FANCA: variants seen among roughly 807,000 people sequenced by gnomAD.
FANCA encodes Fanconi anemia group A protein.
Under a neutral mutation model 194.3 loss-of-function variants are expected in FANCA, and 236 were observed. The ratio of observed to expected loss-of-function variants is 1.21; its 90% CI spans 1.09 to 1.35. The LOEUF (loss-of-function observed/expected upper bound fraction) is 1.35. Among genes scored for constraint, FANCA ranks in the 40% most tolerant of loss-of-function variants. The pLI is 0.00. For synonymous variants in FANCA, 1,014 were observed against 715.8 expected (o/e 1.42, Z -6.65); for missense variants, 2,628 against 1,813.9 (o/e 1.45, Z -8.15).
rs1476352640 is a variant in FANCA, at chr16:89,771,745, C to T, written c.2084G>A (p.Ser695Asn). 2 of 1,614,136 alleles carry T rather than the reference C, an allele frequency of 1.2e-6. No individual in the cohort carries two copies. The highest frequency in any genetic ancestry group is 1.7e-5 in the Admixed American group (1 of 60,018). Residue 695 changes from serine (S) to asparagine (N), a missense_variant, in exon 23 of 43, where the codon AGC (serine) becomes AAC (asparagine). Ser to Asn is a conservative substitution (Grantham distance 46). Transcript: ENST00000389301. ...RAVLGHNEDD[S>N]SVEISKIQLS... ...CTGAATCTTTGATATCTCAACGCTGCTGTCATCCTCATTGTGGCCCAGGAC... is the reference window on the plus strand; with the variant it reads ...CTGAATCTTTGATATCTCAACGCTGTTGTCATCCTCATTGTGGCCCAGGAC...
chr16:89,755,832 C>G (rs1217758803), intron 30 of FANCA, among the ~76,000 whole-genome samples: 1 of 152,118 alleles, frequency 6.6e-6, no homozygotes, highest in Admixed American at 6.6e-5. Context: ...ACCAGAGCCC[C>G]CCGCACACCT....
intron 14 of FANCA, among the ~76,000 whole-genome samples, chr16:89,787,124 T>C (rs1003026412): frequency 2.0e-5 from 3 of 152,242 alleles, no homozygotes; most frequent in African/African-American, 7.2e-5. Flanking sequence ...CTGTTTGCTA[T>C]TTTTGAAAAA....
At chr16:89,746,990 C>T (rs1300345990) in intron 33 of FANCA, 100 bp from the exon 34 acceptor site, 14 of 1,170,404 alleles carry the variant, frequency 1.2e-5, no homozygotes, top group East Asian at 2.6e-5. Flanking sequence ...GAAAAACACT[C>T]GCTAAGGCTT....
chr16:89,767,080 G>A lies in FANCA; in HGVS notation c.2601+61C>T, dbSNP rs540067444. The A allele has an allele frequency of 6.9e-4, 949 of 1,377,490 alleles. 9 individuals carry two copies. The South Asian group carries it at 9.1e-3, about 13-fold the overall frequency. 85.3% of individuals were successfully genotyped at this position (1,377,490 alleles called of 1,614,324 possible). On this transcript the variant is annotated intron_variant, in intron 27 of 42. Coordinates refer to ENST00000389301, the MANE Select transcript of FANCA (RefSeq NM_000135.4). ...GCAGCAGACCTCGGCCTTCCGGTCCGAAAGCTGCGTAAACCTGAAACGTAT... is the reference window on the plus strand; with the variant it reads ...GCAGCAGACCTCGGCCTTCCGGTCCAAAAGCTGCGTAAACCTGAAACGTAT...
chr16:89,799,025 C>T (rs767807355), intron 10 of FANCA, 141 bp downstream of exon 10: 22 of 1,614,138 alleles, frequency 1.4e-5, no homozygotes, highest in East Asian at 2.2e-5. Flanking sequence ...CTCCTCCTCA[C>T]GCACGTTATC....
At chr16:89,750,761 AAAAACAAACAGACAAAAC>A (rs1179834583) in intron 31 of FANCA, among the ~76,000 whole-genome samples, 2 of 152,122 alleles carry the variant, frequency 1.3e-5, no homozygotes, top group African/African-American at 4.8e-5. Flanking sequence ...ACTCTGTCTC[AAAAACAAACAGACAAAAC>A]AAAACAAAAC....
intron 28 of FANCA, among the ~76,000 whole-genome samples, chr16:89,764,371 C>A (rs372809925): frequency 6.6e-6 from 1 of 152,220 alleles, no homozygotes; most frequent in East Asian, 1.9e-4. Flanking sequence ...GTGGCGTGAT[C>A]TTGGCTCACT....
rs377702890 is a variant in FANCA at position 89,746,822 on chromosome 16, G to C, written c.3408+9C>G. 111 of 1,567,856 alleles carry C rather than the reference G, an allele frequency of 7.1e-5. No homozygotes were observed. The African/African-American group carries it at 1.4e-3, about 20-fold the overall frequency. On this transcript the variant is annotated intron_variant, in intron 34 of 42. Coordinates refer to ENST00000389301, the MANE Select transcript of FANCA (RefSeq NM_000135.4). ...GAAGGCCACGAGAGGGGCTGAGGGA[G>C]CATCTCACCCTGAAGAAGTGGGCAG...
At chr16:89,800,676 G>A (rs1396969700) in intron 8 of FANCA, among the ~76,000 whole-genome samples, 3 of 152,180 alleles carry the variant, frequency 2.0e-5, no homozygotes, top group South Asian at 4.1e-4. Flanking sequence ...CGAGGCTACA[G>A]AAATGAAAAC....
At position 89,765,085 on chromosome 16, in the gene FANCA, C is replaced by G. The variant is rs17233225; in HGVS notation, c.2602-19G>C. On this transcript the variant is annotated intron_variant, in intron 27 of 42. Transcript: ENST00000389301. ...ACTGAAACTGAAACAGAGAGTGACC[C>G]GGCCGTTTCTTCATTGCGCAAGTTT... is the stretch of plus-strand genomic sequence containing the variant. 2,573 of 1,613,572 alleles carry G rather than the reference C, an allele frequency of 1.6e-3. 74 individuals are homozygous for G. In the South Asian group the frequency reaches 0.026, roughly 16 times the overall value.
intron 20 of FANCA, chr16:89,778,405 G>A (rs552969049): frequency 6.4e-5 from 23 of 356,712 alleles, no homozygotes; most frequent in Non-Finnish European, 1.1e-4. Context: ...GGCAGAGCTT[G>A]CAGTGAGCCA....
chr16:89,785,060 A>C (rs914569428), intron 14 of FANCA, 96 bp from the exon 15 acceptor site: 5 of 863,998 alleles, frequency 5.8e-6, no homozygotes, highest in Admixed American at 1.9e-5. Context: ...GAAGCCCAGG[A>C]CAGCCAGGCG....
intron 30 of FANCA, among the ~76,000 whole-genome samples, chr16:89,752,720 A>G (rs2143169175): frequency 6.6e-6 from 1 of 152,356 alleles, no homozygotes; most frequent in African/African-American, 2.4e-5. Context: ...AGAAGACAAG[A>G]GTGCGAGCCT....
intron 14 of FANCA, among the ~76,000 whole-genome samples, chr16:89,786,574 T>A (rs958708508): frequency 6.6e-6 from 1 of 152,068 alleles, no homozygotes; most frequent in Non-Finnish European, 1.5e-5. Context: ...GCCTCGGCCT[T>A]CCAAAGTGCT....
intron 38 of FANCA, chr16:89,740,440 A>G (rs554353711): frequency 4.8e-5 from 22 of 458,910 alleles, no homozygotes; most frequent in Admixed American, 3.2e-4. Flanking sequence ...GTTCAAGACC[A>G]GCCTGGCAAT....
intron 38 of FANCA, chr16:89,740,466 C>G (rs1304713989): frequency 1.1e-5 from 5 of 460,394 alleles, no homozygotes; most frequent in African/African-American, 3.9e-5. Flanking sequence ...GAAACCCCGT[C>G]TCTACTAAAA....
chr16:89,795,004 G>A (rs2040195234), intron 11 of FANCA, among the ~76,000 whole-genome samples: 1 of 152,212 alleles, frequency 6.6e-6, no homozygotes, highest in Admixed American at 6.5e-5. Flanking sequence ...CTAGACAGCG[G>A]CTGGGCACAG....
Position 89,745,085 on chromosome 16 carries a change from A to G in FANCA, c.3514-14T>C, listed in dbSNP as rs2038336552. ...CGGCCACCACACCTATGGAGAGAGC[A>G]CCAGCACACAGATGAGGGTGGCTGA... On this transcript the variant is annotated splice_polypyrimidine_tract_variant and intron_variant, in intron 35 of 42. Transcript: ENST00000389301. The G allele has an allele frequency of 4.4e-6, 7 of 1,585,660 alleles. No individual in the cohort carries two copies. The highest frequency in any genetic ancestry group is 6.0e-6 in the Non-Finnish European group (7 of 1,169,944).
In FANCA at chr16:89,743,007, C is replaced by G; in HGVS notation, c.3627-69G>C. On this transcript the variant is annotated intron_variant, in intron 36 of 42. Coordinates refer to ENST00000389301, the MANE Select transcript of FANCA (RefSeq NM_000135.4). Reference sequence around the variant, plus strand: ...ACAACCACGCCATAGAAACCAAGTCCTTATTCCCACCTGTCACCTTTGGGG... The same window carrying G: ...ACAACCACGCCATAGAAACCAAGTCGTTATTCCCACCTGTCACCTTTGGGG... The G allele has an allele frequency of 7.0e-6, 11 of 1,564,268 alleles. No individual in the cohort carries two copies. In the South Asian group the frequency reaches 1.2e-4, roughly 16 times the overall value.
Sources: gnomAD v4.1 joint callset for allele counts (sites outside exome capture counted in the v4.1 genomes callset) on GRCh38, gnomAD v4.1.1 for gene constraint, MANE v1.5 for transcripts, NCBI Gene and HGNC (gene_info 2026-07-23, HGNC 2026-07-21) for gene names.